RPS6KC1: variants seen among roughly 807,000 people sequenced by gnomAD.
RPS6KC1 encodes the protein ribosomal protein S6 kinase C1.
RPS6KC1 carries 54 observed loss-of-function variants against 103.8 expected under a neutral mutation model. That is an observed-to-expected ratio of 0.52 (90% CI 0.42 to 0.65). The LOEUF (loss-of-function observed/expected upper bound fraction) is 0.65. Ranked by LOEUF, RPS6KC1 falls within the 30% of genes least tolerant of loss-of-function variation. The pLI is 0.00. For synonymous variants in RPS6KC1, 439 were observed against 438.7 expected, an observed-to-expected ratio of 1.00 and a Z score of -0.01; for missense variants, 1,151 against 1,253.8, an observed-to-expected ratio of 0.92 and a Z score of 1.24.
the RPS6KC1 span, among the ~76,000 whole-genome samples, chr1:213,545,274 G>A: frequency 6.6e-6 from 1 of 151,912 alleles, no homozygotes; most frequent in Non-Finnish European, 1.5e-5. Context: ...AGGAGGCTGA[G>A]GCAGGAGAAT....
At chr1:213,670,903 A>G in the RPS6KC1 span, among the ~76,000 whole-genome samples, 1 of 152,146 alleles carries the variant, frequency 6.6e-6, no homozygotes, top group Non-Finnish European at 1.5e-5. Context: ...TTTCCTCAAC[A>G]GTCTTGTGGC....
At chr1:213,376,567 A>G in the RPS6KC1 span, among the ~76,000 whole-genome samples, 1 of 151,662 alleles carries the variant, frequency 6.6e-6, no homozygotes, top group East Asian at 1.9e-4. Flanking sequence ...ATCCTATTTC[A>G]AAATTGATGC....
At chr1:213,486,940 G>T in the RPS6KC1 span, among the ~76,000 whole-genome samples, 1 of 152,206 alleles carries the variant, frequency 6.6e-6, no homozygotes, top group Admixed American at 6.5e-5. Context: ...AAGTTCTAAG[G>T]TATAATAGAA....
In RPS6KC1 at chr1:213,176,394, C is replaced by T; in HGVS notation, c.952-6C>T. 6.3e-7 allele frequency: 1 copy of T among 1,588,022 alleles called. No individual in the cohort carries two copies. The highest frequency in any genetic ancestry group is 8.6e-7 in the Non-Finnish European group (1 of 1,160,582). On this transcript the variant is annotated splice_region_variant and splice_polypyrimidine_tract_variant and intron_variant, in intron 7 of 14. Coordinates refer to ENST00000366960, the MANE Select transcript of RPS6KC1 (RefSeq NM_012424.6). Reference sequence around the variant, plus strand: ...TTGATGTATAATCTTTGATATCTTCCATTAGCCTCCAGGATCACTAAGTTC... The same window carrying T: ...TTGATGTATAATCTTTGATATCTTCTATTAGCCTCCAGGATCACTAAGTTC...
chr1:213,595,031 G>C, the RPS6KC1 span, among the ~76,000 whole-genome samples: 1 of 152,148 alleles, frequency 6.6e-6, no homozygotes, highest in Non-Finnish European at 1.5e-5. Context: ...TGCCGTTCCA[G>C]AACAATACTT....
the RPS6KC1 span, among the ~76,000 whole-genome samples, chr1:213,303,717 G>T: frequency 6.6e-6 from 1 of 152,180 alleles, no homozygotes; most frequent in African/African-American, 2.4e-5. Context: ...GATTTTGAAT[G>T]AGCCAACTTG....
the RPS6KC1 span, among the ~76,000 whole-genome samples, chr1:213,631,353 C>T: frequency 6.9e-6 from 1 of 145,524 alleles, no homozygotes; most frequent in South Asian, 2.2e-4. Context: ...ATCTTGGCTC[C>T]ACCAATCTGG....
chr1:213,510,346 T>A, the RPS6KC1 span, among the ~76,000 whole-genome samples: 1 of 152,222 alleles, frequency 6.6e-6, no homozygotes, highest in Non-Finnish European at 1.5e-5. Flanking sequence ...AAAAGTTAGA[T>A]CCACTTTTAT....
At chr1:213,679,442 A>G in the RPS6KC1 span, among the ~76,000 whole-genome samples, 4 of 152,182 alleles carry the variant, frequency 2.6e-5, no homozygotes, top group Admixed American at 2.0e-4. Flanking sequence ...GTAGGTTCCA[A>G]GTTGTACCCA....
the RPS6KC1 span, among the ~76,000 whole-genome samples, chr1:213,846,571 T>C: frequency 6.6e-6 from 1 of 152,210 alleles, no homozygotes; most frequent in South Asian, 2.1e-4. Context: ...TACTAAGCCA[T>C]GATCAAAAAC....
chr1:213,800,563 T>C, the RPS6KC1 span, among the ~76,000 whole-genome samples: 563 of 152,248 alleles, frequency 3.7e-3, 4 homozygotes, highest in African/African-American at 0.013. Context: ...TTCATATGTT[T>C]AAGTCACAAC....
intron 12 of RPS6KC1, among the ~76,000 whole-genome samples, chr1:213,259,340 G>T (rs1212807403): frequency 6.6e-6 from 1 of 152,140 alleles, no homozygotes; most frequent in Non-Finnish European, 1.5e-5. Context: ...CGGGTGGATC[G>T]CCTGAGCTCA....
At chr1:213,805,502 C>G in the RPS6KC1 span, among the ~76,000 whole-genome samples, 1 of 152,206 alleles carries the variant, frequency 6.6e-6, no homozygotes, top group Non-Finnish European at 1.5e-5. Context: ...AGAAGCAACT[C>G]CTCGTCCATT....
At chr1:213,741,657 A>G in the RPS6KC1 span, among the ~76,000 whole-genome samples, 3 of 152,270 alleles carry the variant, frequency 2.0e-5, no homozygotes, top group Non-Finnish European at 4.4e-5. Flanking sequence ...CACGAGCATA[A>G]TAGTATAAAC....
intron 12 of RPS6KC1, among the ~76,000 whole-genome samples, chr1:213,242,901 A>G (rs1339284573): frequency 6.6e-6 from 1 of 152,216 alleles, no homozygotes; most frequent in East Asian, 1.9e-4. Context: ...TTAATACCTC[A>G]TTAAGAACTG....
rs1293917108 is a variant in RPS6KC1 at position 213,170,008 on chromosome 1, C to T, written c.951+2035C>T. On this transcript the variant is annotated intron_variant, in intron 7 of 14. Coordinates refer to ENST00000366960, the MANE Select transcript of RPS6KC1 (RefSeq NM_012424.6). Reference sequence around the variant, plus strand: ...TGTTGGCTAGGCTGGTCTTGAACTCCTGACCTCAGGTGATCCACCCACTTT... The same window carrying T: ...TGTTGGCTAGGCTGGTCTTGAACTCTTGACCTCAGGTGATCCACCCACTTT... Among the ~76,000 whole-genome samples, 5 of 152,244 alleles carry T rather than the reference C, an allele frequency of 3.3e-5. No individual in the cohort carries two copies. The East Asian group carries it at 9.6e-4, about 29-fold the overall frequency.
the RPS6KC1 span, among the ~76,000 whole-genome samples, chr1:213,803,019 G>A: frequency 6.6e-6 from 1 of 152,084 alleles, no homozygotes; most frequent in Admixed American, 6.6e-5. Flanking sequence ...GCTAGGCATG[G>A]GACCATATCT....
the RPS6KC1 span, among the ~76,000 whole-genome samples, chr1:213,547,720 C>T: frequency 9.2e-4 from 140 of 152,320 alleles, 1 homozygote; most frequent in African/African-American, 3.2e-3. Flanking sequence ...CTGGCACCTG[C>T]TTCTGCCTTT....
At chr1:213,303,652 C>T in the RPS6KC1 span, among the ~76,000 whole-genome samples, 1 of 152,290 alleles carries the variant, frequency 6.6e-6, no homozygotes, top group South Asian at 2.1e-4. Context: ...CCAGCACCTT[C>T]CTCCCAGCCG....
Sources: allele counts gnomAD v4.1 joint callset (sites outside exome capture counted in the v4.1 genomes callset), GRCh38; gene constraint gnomAD v4.1.1; transcripts MANE v1.5; gene names NCBI Gene and HGNC (gene_info 2026-07-23, HGNC 2026-07-21).